DIMT1: variants seen among roughly 807,000 people sequenced by gnomAD.
The protein encoded by DIMT1 is dimethyladenosine transferase.
Under a neutral mutation model 43.2 loss-of-function variants are expected in DIMT1, and 36 were observed. The observed-to-expected ratio is 0.83, with a 90% CI of 0.64 to 1.10. DIMT1 has a LOEUF of 1.10. Among genes scored for constraint, DIMT1 ranks in the 50% least tolerant of loss-of-function variants. DIMT1 has a pLI of 0.00. For synonymous variants in DIMT1, 126 were observed against 130.3 expected (o/e 0.97, Z 0.22); for missense variants, 341 against 385.3 (o/e 0.88, Z 0.96).
At chr5:62,391,426 CA>C (rs1462452819) in intron 10 of DIMT1, 11 of 159,822 alleles carry the variant, frequency 6.9e-5, no homozygotes, top group African/African-American at 2.6e-4. Flanking sequence ...ATATTTTATC[CA>C]AAAGGATTTT....
chr5:62,389,895 C>A (rs1742221247), intron 11 of DIMT1, among the ~76,000 whole-genome samples: 1 of 152,062 alleles, frequency 6.6e-6, no homozygotes, highest in South Asian at 2.1e-4. Flanking sequence ...CTCTTTAGAC[C>A]TGAGGTTATG....
rs758696942 is a variant in DIMT1 at position 62,388,928 on chromosome 5, G to T, written c.*82C>A. 38 of 1,320,338 alleles carry T rather than the reference G, an allele frequency of 2.9e-5. No homozygotes were observed. The highest frequency in any genetic ancestry group is 4.0e-5 in the Non-Finnish European group (37 of 933,486). 81.8% of individuals were successfully genotyped at this position (1,320,338 alleles called of 1,614,324 possible). On this transcript the variant is annotated 3_prime_UTR_variant, in exon 12 of 12. Coordinates refer to ENST00000199320, the MANE Select transcript of DIMT1 (RefSeq NM_014473.4). ...GTCAAGTAAATAATGTCTCAGTAAA[G>T]CAAAAGCATTATCTTCTCAAATACA...
chr5:62,398,981 T>G (rs1742601957), intron 3 of DIMT1, 100 bp from the exon 4 acceptor site: 1 of 944,398 alleles, frequency 1.1e-6, no homozygotes, highest in Non-Finnish European at 1.6e-6. Flanking sequence ...GTGACAAACT[T>G]CTTCTCCCAT....
Position 62,403,724 on chromosome 5 carries a change from C to T in DIMT1, c.49G>A (p.Glu17Lys). 1 of 1,610,060 alleles carries T rather than the reference C, an allele frequency of 6.2e-7. No homozygotes were observed. Among genetic ancestry groups the T allele is most frequent in the Non-Finnish European group, 8.5e-7 (1 of 1,178,828 alleles). The part of the protein sequence containing the change: ...GAIGRRRGRQ[E>K]QRRELKSAGG... ...GCGCTCTTCAGCTCCCGGCGCTGCT[C>T]CTGCCGCCCGCGGCGGCGGCCGATG... The change falls in exon 1 of 12, where the codon GAG becomes AAG. Residue 17 changes from glutamate to lysine, a missense_variant. Coordinates refer to ENST00000199320, the MANE Select transcript of DIMT1 (RefSeq NM_014473.4).
intron 1 of DIMT1, 33 bp downstream of exon 1, chr5:62,403,661 G>A (rs761661333): frequency 1.3e-6 from 2 of 1,588,632 alleles, no homozygotes; most frequent in African/African-American, 1.3e-5. Context: ...GACCTGACCC[G>A]ACCGACCCCA....
intron 3 of DIMT1, among the ~76,000 whole-genome samples, chr5:62,401,479 T>C (rs1404097415): frequency 2.5e-5 from 3 of 119,774 alleles, no homozygotes; most frequent in Non-Finnish European, 5.0e-5. Context: ...TGGGGAACAG[T>C]GTGAAATTCC....
chr5:62,403,864 G>C lies in DIMT1; in HGVS notation c.-92C>G, dbSNP rs763556759. 3.7e-6 allele frequency: 5 copies of C among 1,364,306 alleles called. No homozygotes were observed. In the Admixed American group the frequency reaches 8.6e-5, roughly 23 times the overall value. 84.5% of individuals were successfully genotyped at this position (1,364,306 alleles called of 1,614,324 possible). ...GCCACCACGTGGGGATCGCCGCCAC[G>C]CGCCGCCCGCACCACTCTGGCCCAA... On this transcript the variant is annotated 5_prime_UTR_variant, in exon 1 of 12. Transcript: ENST00000199320.
intron 11 of DIMT1, among the ~76,000 whole-genome samples, chr5:62,389,485 C>CAACAAAAAAAAAAAAAAA (rs1742195408): frequency 1.3e-5 from 1 of 75,916 alleles, no homozygotes; most frequent in South Asian, 4.5e-4. Context: ...GACTCTGTCT[C>CAACAAAAAAAAAAAAAAA]AAAAAAAAAA....
At position 62,394,133 on chromosome 5, in the gene DIMT1, C is replaced by T. The variant is rs1301579149; in HGVS notation, c.571-86G>A. ...TATGCTATCCTCACAGAAGGCACAA[C>T]TGGATGCTCAAGGATGAATTAAGCT... On this transcript the variant is annotated intron_variant, in intron 7 of 11. Coordinates refer to ENST00000199320, the MANE Select transcript of DIMT1 (RefSeq NM_014473.4). The T allele has an allele frequency of 5.7e-6, 7 of 1,228,284 alleles. No homozygotes were observed. In the East Asian group the frequency reaches 9.3e-5, roughly 16 times the overall value. 76.1% of individuals were successfully genotyped at this position (1,228,284 alleles called of 1,614,324 possible).
chr5:62,402,682 C>T (rs1275071637), intron 2 of DIMT1, among the ~76,000 whole-genome samples: 2 of 152,098 alleles, frequency 1.3e-5, no homozygotes, highest in African/African-American at 2.4e-5. Flanking sequence ...TCAAATGACA[C>T]GAAGCCTGAC....
intron 7 of DIMT1, among the ~76,000 whole-genome samples, 158 bp from the exon 8 acceptor site, chr5:62,394,205 AC>A (rs1488239832): frequency 2.0e-5 from 3 of 152,208 alleles, no homozygotes; most frequent in Non-Finnish European, 4.4e-5. Flanking sequence ...TTTGGCTCAC[AC>A]CTGTAATCCC....
chr5:62,393,438 G>A (rs1156962846), intron 8 of DIMT1, among the ~76,000 whole-genome samples: 2 of 152,036 alleles, frequency 1.3e-5, no homozygotes, highest in African/African-American at 2.4e-5. Context: ...AGAACATGGC[G>A]TTTATTTAAA....
At chr5:62,396,888 G>C (rs1742516080) in intron 6 of DIMT1, among the ~76,000 whole-genome samples, 1 of 152,130 alleles carries the variant, frequency 6.6e-6, no homozygotes, top group African/African-American at 2.4e-5. Flanking sequence ...GATCACACTG[G>C]TAAAGCCATA....
intron 10 of DIMT1, chr5:62,391,205 A>G: frequency 2.3e-6 from 1 of 431,452 alleles, no homozygotes; most frequent in Non-Finnish European, 4.1e-6. Flanking sequence ...TCCTGTCTAT[A>G]TTAGCCATTT....
At chr5:62,389,157 T>A in intron 11 of DIMT1, 105 bp from the exon 12 acceptor site, 1 of 977,814 alleles carries the variant, frequency 1.0e-6, no homozygotes, top group Non-Finnish European at 1.5e-6. Context: ...ACAGCATGCT[T>A]ACAGAGCCCA....
In DIMT1 at chr5:62,388,052, A is replaced by G. The variant is rs1306225549; in HGVS notation, c.*958T>C. 1 of 152,188 alleles carries G rather than the reference A, an allele frequency of 6.6e-6. No homozygotes were observed. Among genetic ancestry groups the G allele is most frequent in the African/African-American group, 2.4e-5 (1 of 41,450 alleles). The allele number at this position is 152,188 out of a possible 1,614,324, so 9.4% of individuals were successfully genotyped here. On this transcript the variant is annotated 3_prime_UTR_variant, in exon 12 of 12. Coordinates refer to ENST00000199320, the MANE Select transcript of DIMT1 (RefSeq NM_014473.4). ...CACTTAGTATTATATTGACTTAAACATAGTAGCTAATAAAACTAGTTTATG... is the reference window on the plus strand; with the variant it reads ...CACTTAGTATTATATTGACTTAAACGTAGTAGCTAATAAAACTAGTTTATG...
At chr5:62,403,484 ACT>A in intron 1 of DIMT1, 138 bp from the exon 2 acceptor site, 3 of 994,820 alleles carry the variant, frequency 3.0e-6, no homozygotes, top group Non-Finnish European at 4.6e-6. Context: ...GGACTGACAA[ACT>A]CTTTATAAGT....
intron 11 of DIMT1, 82 bp from the exon 12 acceptor site, chr5:62,389,134 C>T: frequency 1.7e-6 from 2 of 1,202,474 alleles, no homozygotes; most frequent in Non-Finnish European, 2.4e-6. Flanking sequence ...ACCATTAATA[C>T]TAAAACATGA....
intron 6 of DIMT1, among the ~76,000 whole-genome samples, chr5:62,396,208 C>T (rs570490095): frequency 6.9e-5 from 9 of 130,246 alleles, no homozygotes; most frequent in Admixed American, 1.7e-4. Flanking sequence ...GACTGGGAAA[C>T]GAAAATAAAT....
Sources: allele counts gnomAD v4.1 joint callset (sites outside exome capture counted in the v4.1 genomes callset), GRCh38; gene constraint gnomAD v4.1.1; transcripts MANE v1.5; gene names NCBI Gene and HGNC (gene_info 2026-07-23, HGNC 2026-07-21).